NEBL: variants seen among roughly 807,000 people sequenced by gnomAD.
The protein encoded by NEBL is LIM and SH3 protein 2.
NEBL carries 122 observed loss-of-function variants against 140.2 expected under a neutral mutation model. The observed-to-expected ratio is 0.87, with a 90% CI of 0.75 to 1.01. The LOEUF (loss-of-function observed/expected upper bound fraction) is 1.01. NEBL is among the 50% of genes least tolerant of loss of function. The probability of loss-of-function intolerance (pLI) is 0.00; values close to 1 mark genes in which losing one functional copy is unlikely to be tolerated. For missense variants in NEBL, 1,365 were observed against 1,231.3 expected, an observed-to-expected ratio of 1.11 and a Z score of -1.62; for synonymous variants, 436 against 398.9, an observed-to-expected ratio of 1.09 and a Z score of -1.11.
rs772662994 is a variant in NEBL at position 20,836,437 on chromosome 10, G to A, written c.1339-814C>T. The stretch of plus-strand genomic sequence containing the variant: ...CAGGTTTCACCACGTTGGCCAGGCC[G>A]GTCACGAACTCCTGACCTCAGGTGA... On this transcript the variant is annotated intron_variant, in intron 13 of 27. Transcript: ENST00000377122. Among the ~76,000 whole-genome samples, 12 of 152,158 alleles carry A rather than the reference G, an allele frequency of 7.9e-5. 1 individual carries two copies. The South Asian group carries it at 1.9e-3, about 24-fold the overall frequency.
intron 19 of NEBL, 77 bp from the exon 20 acceptor site, chr10:20,819,593 A>T (rs1588683434): frequency 2.0e-6 from 3 of 1,521,134 alleles, no homozygotes; most frequent in Middle Eastern, 1.7e-4. Flanking sequence ...GATTTTTTTT[A>T]AATGTCACAT....
At chr10:21,214,885 A>G (rs1841968796) in intron 3 of NEBL, among the ~76,000 whole-genome samples, 1 of 152,198 alleles carries the variant, frequency 6.6e-6, no homozygotes, top group South Asian at 2.1e-4. Flanking sequence ...AGAATAGGAA[A>G]TAAATTAAAG....
chr10:21,018,975 C>T (rs376435899), intron 3 of NEBL, among the ~76,000 whole-genome samples: 2 of 152,110 alleles, frequency 1.3e-5, no homozygotes, highest in South Asian at 2.1e-4. Context: ...TGCAGTGAGC[C>T]GAGACGGCAC....
At chr10:21,097,421 T>G (rs943114147) in intron 2 of NEBL, among the ~76,000 whole-genome samples, 1 of 152,118 alleles carries the variant, frequency 6.6e-6, no homozygotes, top group Non-Finnish European at 1.5e-5. Context: ...ATCACACCAT[T>G]GCACTCCAGG....
chr10:20,785,784 C>T lies in NEBL; in HGVS notation c.3008G>A (p.Gly1003Glu). 1 of 1,613,936 alleles carries T rather than the reference C, an allele frequency of 6.2e-7. No individual in the cohort carries two copies. The highest frequency in any genetic ancestry group is 8.5e-7 in the Non-Finnish European group (1 of 1,179,928). Residue 1003 changes from glycine to glutamate, a missense_variant, in exon 28 of 28, where the codon GGA becomes GAA. By Grantham distance (98) the Gly-to-Glu change is moderately conservative. Around this residue, in one of 2 missense-constraint regions of NEBL, gnomAD observed 42 missense variants for 76.5 expected, o/e 0.55. Transcript: ENST00000377122. ...YGTVQRTGRT[G>E]MLPANYIEFV... ...CTCAATGTAATTCGCTGGGAGCATT[C>T]CTGTTCTCCCTGTTCTCTGCACTGT...
At chr10:21,085,836 G>A (rs377597431) in intron 2 of NEBL, among the ~76,000 whole-genome samples, 11 of 152,084 alleles carry the variant, frequency 7.2e-5, no homozygotes, top group African/African-American at 2.7e-4. Flanking sequence ...GCAAAAATAT[G>A]CACTTCTCAT....
At chr10:21,011,420 G>A (rs530184211) in intron 3 of NEBL, among the ~76,000 whole-genome samples, 67 of 152,274 alleles carry the variant, frequency 4.4e-4, no homozygotes, top group African/African-American at 1.6e-3. Context: ...TAGTTCCATC[G>A]GTTGCATTGA....
At chr10:20,843,952 TC>T (rs1554783241) in intron 12 of NEBL, among the ~76,000 whole-genome samples, 1 of 152,018 alleles carries the variant, frequency 6.6e-6, no homozygotes, top group East Asian at 1.9e-4. Context: ...AACCAACCTC[TC>T]CCCATCCTCT....
intron 3 of NEBL, among the ~76,000 whole-genome samples, chr10:21,194,343 T>C (rs983207590): frequency 6.6e-6 from 1 of 152,118 alleles, no homozygotes; most frequent in Non-Finnish European, 1.5e-5. Flanking sequence ...AACTCTTTTT[T>C]TAATAGAAAA....
In NEBL at chr10:20,915,096, C is replaced by G. The variant is rs964858920; in HGVS notation, c.357+46576G>C. Among the ~76,000 whole-genome samples, 27 of 151,008 alleles carry G rather than the reference C, an allele frequency of 1.8e-4. No individual in the cohort carries two copies. In the Admixed American group the frequency reaches 1.8e-3, roughly 10 times the overall value. ...GAGATTACAGACATAAGCCACCATG[C>G]CTGGCTTTTATATATTTTCTCAGTA... On this transcript the variant is annotated intron_variant, in intron 4 of 6. Transcript: ENST00000417816.
intron 3 of NEBL, among the ~76,000 whole-genome samples, chr10:21,012,828 T>C (rs1838398699): frequency 1.3e-5 from 2 of 152,078 alleles, no homozygotes; most frequent in Middle Eastern, 3.4e-3. Context: ...CCCTCCACCG[T>C]CAGCTATGGG....
intron 2 of NEBL, among the ~76,000 whole-genome samples, chr10:21,098,116 G>T (rs375333229): frequency 2.6e-5 from 4 of 152,130 alleles, no homozygotes; most frequent in African/African-American, 9.7e-5. Flanking sequence ...AAATGTGAGT[G>T]GATATGAATT....
At chr10:21,208,860 T>C (rs1037645469) in intron 3 of NEBL, among the ~76,000 whole-genome samples, 15 of 152,076 alleles carry the variant, frequency 9.9e-5, no homozygotes, top group African/African-American at 2.9e-4. Context: ...ACAGAACAGT[T>C]TGGTAAACAA....
chr10:21,029,108 C>T, intron 2 of NEBL: 1 of 1,241,786 alleles, frequency 8.1e-7, no homozygotes, highest in Non-Finnish European at 1.2e-6. Context: ...GTTTCCAAAC[C>T]AGTCAGCTGG....
intron 13 of NEBL, among the ~76,000 whole-genome samples, chr10:20,839,402 G>A (rs1422421693): frequency 2.0e-5 from 3 of 152,100 alleles, no homozygotes; most frequent in Non-Finnish European, 2.9e-5. Flanking sequence ...CCAGGGGCAC[G>A]TGTTGTTTAT....
At chr10:21,285,849 T>C (rs954735339) in intron 1 of NEBL, among the ~76,000 whole-genome samples, 5 of 152,188 alleles carry the variant, frequency 3.3e-5, no homozygotes, top group African/African-American at 1.2e-4. Context: ...GGCCACTGAG[T>C]CACCATGCCA....
intron 2 of NEBL, among the ~76,000 whole-genome samples, chr10:21,033,830 G>A (rs951796990): frequency 1.3e-5 from 2 of 151,374 alleles, no homozygotes; most frequent in Admixed American, 1.3e-4. Context: ...GCTCTCGTTT[G>A]GCTCTCAATA....
At chr10:21,185,704 C>T (rs971148365) in intron 3 of NEBL, among the ~76,000 whole-genome samples, 1 of 151,788 alleles carries the variant, frequency 6.6e-6, no homozygotes, top group Non-Finnish European at 1.5e-5. Context: ...GCCATGTTGG[C>T]CAGGCTGGTC....
At chr10:20,841,917 A>T (rs546088215) in intron 12 of NEBL, among the ~76,000 whole-genome samples, 1 of 152,250 alleles carries the variant, frequency 6.6e-6, no homozygotes, top group Non-Finnish European at 1.5e-5. Context: ...TGAATGTCAT[A>T]TTTTAAGTAG....
Sources: gnomAD v4.1 joint callset for allele counts (sites outside exome capture counted in the v4.1 genomes callset) on GRCh38, gnomAD v4.1.1 for gene constraint, gnomAD v4.1.1 regional missense constraint, MANE v1.5 for transcripts, NCBI Gene and HGNC (gene_info 2026-07-23, HGNC 2026-07-21) for gene names.